RNF111: variants seen among roughly 807,000 people sequenced by gnomAD.
RNF111 encodes ring finger protein 111, also known as E3 ubiquitin-protein ligase Arkadia.
RNF111 carries 17 observed loss-of-function variants against 95.1 expected under a neutral mutation model. That is an observed-to-expected ratio of 0.18 (90% CI 0.12 to 0.27). RNF111 has a LOEUF of 0.27. Ranked by LOEUF, RNF111 falls within the 10% of genes least tolerant of loss-of-function variation. RNF111 has a pLI of 1.00. For missense variants in RNF111, 1,189 were observed against 1,210.4 expected (o/e 0.98, Z 0.26); for synonymous variants, 440 against 414.8 (o/e 1.06, Z -0.74).
intron 1 of RNF111, among the ~76,000 whole-genome samples, chr15:58,994,186 C>T (rs1169335948): frequency 2.6e-5 from 4 of 151,370 alleles, no homozygotes; most frequent in East Asian, 1.9e-4. Context: ...TAGAGGTGCA[C>T]GCTACCACGC....
At chr15:59,041,164 A>T (rs574422971) in intron 2 of RNF111, among the ~76,000 whole-genome samples, 3 of 152,102 alleles carry the variant, frequency 2.0e-5, no homozygotes, top group African/African-American at 7.2e-5. Flanking sequence ...AAGCTTCATC[A>T]TACTCCCTTG....
At chr15:59,075,554 T>C (rs2043129041) in intron 6 of RNF111, among the ~76,000 whole-genome samples, 1 of 152,244 alleles carries the variant, frequency 6.6e-6, no homozygotes, top group Non-Finnish European at 1.5e-5. Context: ...TGTGATAGTA[T>C]GTTTTCTCAA....
chr15:59,083,137 G>C (rs1366632185), intron 8 of RNF111, among the ~76,000 whole-genome samples: 1 of 130,292 alleles, frequency 7.7e-6, no homozygotes, highest in Non-Finnish European at 1.6e-5. Flanking sequence ...GCAAGATTCT[G>C]CCGCTTAAAA....
intron 1 of RNF111, among the ~76,000 whole-genome samples, chr15:59,005,479 C>T (rs1053598146): frequency 7.2e-5 from 11 of 152,082 alleles, no homozygotes; most frequent in African/African-American, 1.7e-4. Context: ...CATTAGATCC[C>T]GCATTCTCAG....
intron 1 of RNF111, among the ~76,000 whole-genome samples, chr15:58,990,395 C>A (rs568524878): frequency 2.2e-4 from 34 of 152,300 alleles, no homozygotes; most frequent in African/African-American, 7.9e-4. Context: ...CGTGGTGGCT[C>A]ACCCCTGTAA....
chr15:59,008,840 C>T (rs1316948087), intron 1 of RNF111, among the ~76,000 whole-genome samples: 1 of 152,156 alleles, frequency 6.6e-6, no homozygotes, highest in Non-Finnish European at 1.5e-5. Context: ...GCATCTTTGT[C>T]ACAGTCTTTC....
In RNF111 at chr15:59,076,086, G is replaced by A. The variant is rs142678358; in HGVS notation, c.1819G>A (p.Ala607Thr). 3.7e-5 allele frequency: 60 copies of A among 1,614,032 alleles called. No homozygotes were observed. Among genetic ancestry groups the A allele is most frequent in the African/African-American group, 1.3e-4 (10 of 74,918 alleles). The change falls in exon 7 of 14, where the codon GCT (alanine) becomes ACT (threonine). Residue 607 changes from alanine (A) to threonine (T), a missense_variant. By Grantham distance (58) the Ala-to-Thr change is moderately conservative (BLOSUM62 0). Coordinates refer to ENST00000348370, the MANE Select transcript of RNF111 (RefSeq NM_017610.8). ...AGCTGCAATCTTTGGCCATCAGGCC[G>A]CTGCTGCTGCCCCAAGTCAACCTTT... Reference protein sequence around the residue: ...SRAAIFGHQAAAAAPSQPLSS... With the variant: ...SRAAIFGHQATAAAPSQPLSS...
chr15:59,003,690 C>T (rs2039422991), intron 1 of RNF111, among the ~76,000 whole-genome samples: 1 of 152,256 alleles, frequency 6.6e-6, no homozygotes, highest in South Asian at 2.1e-4. Context: ...GTGTGAGCCA[C>T]TGCACGTGGC....
Position 59,066,948 on chromosome 15 carries a change from C to G in RNF111, c.1551C>G (p.His517Gln). 6.2e-7 allele frequency: 1 copy of G among 1,614,144 alleles called. No homozygotes were observed. Among genetic ancestry groups the G allele is most frequent in the South Asian group, 1.1e-5 (1 of 91,074 alleles). The change falls in exon 6 of 14, where the codon CAC becomes CAG. Residue 517 changes from histidine to glutamine, a missense_variant. By Grantham distance (24) the His-to-Gln change is conservative. Transcript: ENST00000348370. Reference protein sequence around the residue: ...QHGHHFQHHHHHHHTPHPAVP... With the variant: ...QHGHHFQHHHQHHHTPHPAVP... ...GTCACCATTTTCAACATCATCACCA[C>G]CACCACCATACTCCCCACCCAGCTG...
chr15:59,091,464 G>A (rs1240231194), intron 12 of RNF111, among the ~76,000 whole-genome samples: 1 of 152,062 alleles, frequency 6.6e-6, no homozygotes, highest in Non-Finnish European at 1.5e-5. Context: ...CACAAAAGGA[G>A]ATGATTACCA....
At chr15:59,063,610 G>A (rs1417578585) in intron 5 of RNF111, among the ~76,000 whole-genome samples, 5 of 152,096 alleles carry the variant, frequency 3.3e-5, no homozygotes, top group Non-Finnish European at 5.9e-5. Flanking sequence ...GTTTTATTTG[G>A]GTAGTAACTC....
At chr15:59,052,558 C>A in intron 3 of RNF111, 127 bp downstream of exon 3, 154 of 404,110 alleles carry the variant, frequency 3.8e-4, no homozygotes, top group Non-Finnish European at 5.1e-4. Flanking sequence ...ATGCATATAT[C>A]AGATTAGTGG....
intron 1 of RNF111, among the ~76,000 whole-genome samples, chr15:59,022,889 T>G (rs1390381394): frequency 6.6e-6 from 1 of 152,232 alleles, no homozygotes; most frequent in East Asian, 1.9e-4. Context: ...AGCTGGTTAA[T>G]GCAGAAGTAT....
chr15:59,030,540 GT>G (rs2040852396), intron 1 of RNF111, among the ~76,000 whole-genome samples: 1 of 152,136 alleles, frequency 6.6e-6, no homozygotes, highest in African/African-American at 2.4e-5. Context: ...AATAAGATCA[GT>G]TTTTGGTTAA....
At position 59,054,079 on chromosome 15, in the gene RNF111, G is replaced by A. The variant is rs1463524397; in HGVS notation, c.1008-1603G>A. Among the ~76,000 whole-genome samples, 3 of 152,186 alleles carry A rather than the reference G, an allele frequency of 2.0e-5. No individual in the cohort carries two copies. The South Asian group carries it at 6.2e-4, about 32-fold the overall frequency. Reference sequence around the variant, plus strand: ...GCCTTGTGAGTAGCTGGGATTACAGGCATGAGCCACCACACCTGGCTAATT... The same window carrying A: ...GCCTTGTGAGTAGCTGGGATTACAGACATGAGCCACCACACCTGGCTAATT... On this transcript the variant is annotated intron_variant, in intron 3 of 13. Transcript: ENST00000348370.
chr15:59,043,757 A>T (rs1372056854), intron 2 of RNF111, among the ~76,000 whole-genome samples: 2 of 152,178 alleles, frequency 1.3e-5, no homozygotes, highest in African/African-American at 4.8e-5. Context: ...TTTAATTGTG[A>T]CTGTAAAAGA....
chr15:59,069,885 G>A, intron 6 of RNF111, among the ~76,000 whole-genome samples: 1 of 151,862 alleles, frequency 6.6e-6, no homozygotes, highest in East Asian at 1.9e-4. Flanking sequence ...ATTGTGCGTA[G>A]TCAAATAAAA....
intron 4 of RNF111, among the ~76,000 whole-genome samples, chr15:59,058,102 CTG>C (rs1294909221): frequency 2.6e-5 from 4 of 152,156 alleles, no homozygotes; most frequent in Non-Finnish European, 5.9e-5. Context: ...ACCTGAAAAA[CTG>C]TTAAATCACC....
chr15:59,027,827 C>T (rs2040697190), intron 1 of RNF111, among the ~76,000 whole-genome samples: 1 of 150,708 alleles, frequency 6.6e-6, no homozygotes, highest in African/African-American at 2.4e-5. Context: ...GCCACTGCAC[C>T]TGGCCCACCT....
Sources: allele counts gnomAD v4.1 joint callset (sites outside exome capture counted in the v4.1 genomes callset), GRCh38; gene constraint gnomAD v4.1.1; transcripts MANE v1.5; gene names NCBI Gene and HGNC (gene_info 2026-07-23, HGNC 2026-07-21).